CIITA: variants seen among roughly 807,000 people sequenced by gnomAD.
CIITA encodes the protein class II major histocompatibility complex transactivator.
In CIITA, 72 loss-of-function variants were observed where a neutral mutation model predicts 115.1. The ratio of observed to expected loss-of-function variants is 0.63; its 90% CI spans 0.52 to 0.76. CIITA has a LOEUF of 0.76. Ranked by LOEUF, CIITA falls within the 30% of genes least tolerant of loss-of-function variation. The probability of loss-of-function intolerance (pLI) is 0.00; values close to 1 mark genes in which losing one functional copy is unlikely to be tolerated. For missense variants in CIITA, 1,617 were observed against 1,463.8 expected, an observed-to-expected ratio of 1.10 and a Z score of -1.71; for synonymous variants, 763 against 635.6, an observed-to-expected ratio of 1.20 and a Z score of -3.02.
intron 13 of CIITA, among the ~76,000 whole-genome samples, chr16:10,915,285 A>C (rs946788837): frequency 1.3e-5 from 2 of 152,090 alleles, no homozygotes; most frequent in Non-Finnish European, 2.9e-5. Context: ...CCTGGGCTCA[A>C]GCAGTCCTCT....
chr16:10,916,210 G>A (rs189880076), intron 14 of CIITA, among the ~76,000 whole-genome samples, 157 bp from the exon 15 acceptor site: 277 of 152,274 alleles, frequency 1.8e-3, no homozygotes, highest in Middle Eastern at 3.4e-3. Flanking sequence ...TGAAGTCCTC[G>A]TCTGAAAAGC....
At position 10,936,152 on chromosome 16, in the gene CIITA, C is replaced by T. The variant is rs573238339; in HGVS notation, c.*12297C>T. The T allele has an allele frequency of 2.0e-5, 3 of 152,068 alleles. No individual in the cohort carries two copies. The highest frequency in any genetic ancestry group is 4.2e-4 in the South Asian group (2 of 4,808). The allele number at this position is 152,068 out of a possible 1,614,324, so 9.4% of individuals were successfully genotyped here. A position where few individuals can be genotyped will look rare whatever the true frequency, so the allele number is the denominator to read the frequency against. ...ACTATGGGCGTGTACCACAACACCT[C>T]GCTATTTTTTTTTTCCTACTTTTTG... is the stretch of plus-strand genomic sequence containing the variant. On this transcript the variant is annotated 3_prime_UTR_variant, in exon 20 of 20. Coordinates refer to ENST00000324288, the MANE Select transcript of CIITA (RefSeq NM_000246.4).
At chr16:10,880,390 G>C (rs2036301844) in intron 1 of CIITA, among the ~76,000 whole-genome samples, 1 of 152,252 alleles carries the variant, frequency 6.6e-6, no homozygotes, top group African/African-American at 2.4e-5. Flanking sequence ...CCTCAAGTCA[G>C]AGACACTGGG....
chr16:10,901,551 G>C lies in CIITA; in HGVS notation c.474G>C (p.Trp158Cys). ...PEELPADLKH[W>C]KPAEPPTVVT... Reference sequence around the variant, plus strand: ...AGCTTCCGGCAGACCTGAAGCACTGGAAGCCAGGTGTGCAGGGCAGGTGGG... The same window carrying C: ...AGCTTCCGGCAGACCTGAAGCACTGCAAGCCAGGTGTGCAGGGCAGGTGGG... Residue 158 changes from tryptophan (W) to cysteine (C), a missense_variant, in exon 6 of 20, where the codon TGG becomes TGC. Coordinates refer to ENST00000324288, the MANE Select transcript of CIITA (RefSeq NM_000246.4). This position sits in a 1 kb window ranked among gnomAD's most constrained non-coding sequence, Gnocchi z 6.8. 1 of 1,614,020 alleles carries C rather than the reference G, an allele frequency of 6.2e-7. No individual in the cohort carries two copies. The highest frequency in any genetic ancestry group is 8.5e-7 in the Non-Finnish European group (1 of 1,180,010).
rs11648656 is a variant in CIITA, at chr16:10,926,598, T to G, written c.*2743T>G. Reference sequence around the variant, plus strand: ...TCTTATTGCCCACGCTGGAGTGCAGTGGCATGATCTCGGCTCACTGCAACC... The same window carrying G: ...TCTTATTGCCCACGCTGGAGTGCAGGGGCATGATCTCGGCTCACTGCAACC... On this transcript the variant is annotated 3_prime_UTR_variant, in exon 20 of 20. Coordinates refer to ENST00000324288, the MANE Select transcript of CIITA (RefSeq NM_000246.4). 1.3e-5 allele frequency: 2 copies of G among 152,116 alleles called. No individual in the cohort carries two copies. Among genetic ancestry groups the G allele is most frequent in the African/African-American group, 2.4e-5 (1 of 41,414 alleles). The allele number at this position is 152,116 out of a possible 1,614,324, so 9.4% of individuals were successfully genotyped here. A position where few individuals can be genotyped will look rare whatever the true frequency, so the allele number is the denominator to read the frequency against.
chr16:10,891,366 C>T (rs893993742), intron 1 of CIITA, among the ~76,000 whole-genome samples: 1 of 152,106 alleles, frequency 6.6e-6, no homozygotes, highest in Non-Finnish European at 1.5e-5. Flanking sequence ...GTCTTGTCAT[C>T]TGCAGAGTGA....
At chr16:10,895,592 GC>G in intron 2 of CIITA, 76 bp from the exon 3 acceptor site, 2 of 1,583,216 alleles carry the variant, frequency 1.3e-6, no homozygotes, top group South Asian at 2.2e-5. Flanking sequence ...TCCCAGCCCT[GC>G]CCCGCCTCTC....
At chr16:10,902,574 CA>C (rs1157144220) in intron 7 of CIITA, 83 bp from the exon 8 acceptor site, 1 of 1,565,860 alleles carries the variant, frequency 6.4e-7, no homozygotes, top group African/African-American at 1.4e-5. Flanking sequence ...TTAGGGGGGT[CA>C]GACATTAATC....
chr16:10,879,354 C>G lies in CIITA; in HGVS notation c.52+1972C>G, dbSNP rs952234079. On this transcript the variant is annotated intron_variant, in intron 1 of 19. Transcript: ENST00000324288. This position sits in a 1 kb window ranked among gnomAD's most constrained non-coding sequence, Gnocchi z 4.3. ...GCAGACTGGGAGCGCGGAGCAGACA[C>G]ACTCCCCCGGCCACCCTTGGCCGAC... Among the ~76,000 whole-genome samples the G allele has an allele frequency of 7.2e-5, 11 of 152,078 alleles. No individual in the cohort carries two copies. Among genetic ancestry groups the G allele is most frequent in the Admixed American group, 7.2e-4 (11 of 15,282 alleles).
At chr16:10,874,431 T>C (rs2035690846), upstream of CIITA, among the ~76,000 whole-genome samples, 1 of 152,016 alleles carries the variant, frequency 6.6e-6, no homozygotes, top group Non-Finnish European at 1.5e-5. Flanking sequence ...TCCGGCCCCC[T>C]CCCTCTCCAT....
chr16:10,867,156 A>G (rs935922627), intron 1 of CIITA, among the ~76,000 whole-genome samples: 1 of 152,118 alleles, frequency 6.6e-6, no homozygotes, highest in Non-Finnish European at 1.5e-5. Flanking sequence ...AGGCAGGAGA[A>G]TTGCTTGAAC....
intron 13 of CIITA, among the ~76,000 whole-genome samples, chr16:10,914,772 G>T (rs1045178114): frequency 2.0e-5 from 3 of 152,192 alleles, no homozygotes; most frequent in African/African-American, 7.2e-5. Flanking sequence ...AGGAGTAAAT[G>T]AGATCTAGGC....
At chr16:10,887,101 G>A (rs1368073650) in intron 1 of CIITA, among the ~76,000 whole-genome samples, 3 of 152,124 alleles carry the variant, frequency 2.0e-5, no homozygotes, top group African/African-American at 7.2e-5. Flanking sequence ...GAGCAAAAGC[G>A]GAACTCATTT....
In CIITA at chr16:10,925,594, A is replaced by T. The variant is rs2040498605; in HGVS notation, c.*1739A>T. On this transcript the variant is annotated 3_prime_UTR_variant, in exon 20 of 20. Coordinates refer to ENST00000324288, the MANE Select transcript of CIITA (RefSeq NM_000246.4). ...CAAAGTGCTGGGATTACAGGTGTGA[A>T]CCACCACACCCAGCCCACTTCTGCC... The T allele has an allele frequency of 6.6e-6, 1 of 152,312 alleles. No individual in the cohort carries two copies. Among genetic ancestry groups the T allele is most frequent in the Non-Finnish European group, 1.5e-5 (1 of 68,146 alleles). 9.4% of individuals were successfully genotyped at this position (152,312 alleles called of 1,614,324 possible).
chr16:10,898,159 G>T (rs117383388), intron 3 of CIITA, among the ~76,000 whole-genome samples: 3 of 152,062 alleles, frequency 2.0e-5, no homozygotes, highest in Middle Eastern at 3.2e-3. Flanking sequence ...TATTCCAAGG[G>T]CTCTGAGCCA....
rs1007193651 is a variant in CIITA, at chr16:10,931,547, G to A, written c.*7692G>A. 8.5e-5 allele frequency: 13 copies of A among 152,088 alleles called. No homozygotes were observed. Among genetic ancestry groups the A allele is most frequent in the African/African-American group, 3.1e-4 (13 of 41,440 alleles). The allele number at this position is 152,088 out of a possible 1,614,324, so 9.4% of individuals were successfully genotyped here. On this transcript the variant is annotated 3_prime_UTR_variant, in exon 20 of 20. Coordinates refer to ENST00000324288, the MANE Select transcript of CIITA (RefSeq NM_000246.4). ...AAGTGATGCCAAGTTTCCATTTCTG[G>A]TAGTAATATAGTTTTTCTTTTCCAA...
Position 10,942,306 on chromosome 16 carries a change from G to C in CIITA, n.1432G>C, listed in dbSNP as rs2041112877. On this transcript the variant is annotated non_coding_transcript_exon_variant, in exon 2 of 2. Transcript: ENST00000573379. The surrounding 1 kb of genome is among the most constrained non-coding windows in gnomAD (Gnocchi z 5.0). ...CGTGGCGCCTCCCTGGCGCTCGCAG[G>C]GCCTCGCAGAGCCGGTGGGGATCCC... is the stretch of plus-strand genomic sequence containing the variant. The C allele has an allele frequency of 6.8e-6, 2 of 294,960 alleles. No homozygotes were observed. The highest frequency in any genetic ancestry group is 4.2e-5 in the South Asian group (1 of 24,040). The allele number at this position is 294,960 out of a possible 1,614,324, so 18.3% of individuals were successfully genotyped here. A position where few individuals can be genotyped will look rare whatever the true frequency, so the allele number is the denominator to read the frequency against.
At position 10,909,081 on chromosome 16, in the gene CIITA, G is replaced by A; in HGVS notation, c.2710G>A (p.Glu904Lys). Reference protein sequence around the residue: ...ALWESLQQHGETKLLQAAEEK... With the variant: ...ALWESLQQHGKTKLLQAAEEK... The stretch of plus-strand genomic sequence containing the variant: ...GTGGGAGTCCCTGCAGCAGCATGGG[G>A]AGACCAAGCTACTTCAGGCAGCAGA... The change falls in exon 12 of 20, where the codon GAG (glutamate) becomes AAG (lysine). Residue 904 changes from glutamate to lysine, a missense_variant. Physicochemically the swap from Glu to Lys is moderately conservative, Grantham distance 56. Coordinates refer to ENST00000324288, the MANE Select transcript of CIITA (RefSeq NM_000246.4). 1 of 1,614,146 alleles carries A rather than the reference G, an allele frequency of 6.2e-7. No homozygotes were observed. The highest frequency in any genetic ancestry group is 1.1e-5 in the South Asian group (1 of 91,082).
intron 13 of CIITA, among the ~76,000 whole-genome samples, chr16:10,912,700 A>T (rs1171176210): frequency 6.6e-5 from 10 of 152,236 alleles, no homozygotes; most frequent in Non-Finnish European, 7.3e-5. Flanking sequence ...GTCTGAAAAC[A>T]ATAACTGAGG....
Sources: allele counts gnomAD v4.1 joint callset (sites outside exome capture counted in the v4.1 genomes callset), GRCh38; gene constraint gnomAD v4.1.1; non-coding constraint Gnocchi (gnomAD v3.1); transcripts MANE v1.5; gene names NCBI Gene and HGNC (gene_info 2026-07-23, HGNC 2026-07-21).